SLC44A1: variants seen among roughly 807,000 people sequenced by gnomAD.
SLC44A1 encodes choline transporter-like protein 1.
A neutral mutation model predicts 79.3 loss-of-function variants in SLC44A1; 26 were observed. That is an observed-to-expected ratio of 0.33 (90% confidence interval 0.24 to 0.46). SLC44A1 has a LOEUF of 0.46. SLC44A1 is among the 20% of genes least tolerant of loss of function. SLC44A1 has a pLI of 1.00. For missense variants in SLC44A1, 688 were observed against 798.1 expected (o/e 0.86, Z 1.66); for synonymous variants, 263 against 286.2 (o/e 0.92, Z 0.82).
intron 1 of SLC44A1, among the ~76,000 whole-genome samples, chr9:105,276,688 A>G (rs1253198710): frequency 6.6e-6 from 1 of 151,562 alleles, no homozygotes; most frequent in Admixed American, 6.6e-5. Context: ...AACAAACTTG[A>G]TATTTAAGAA....
intron 3 of SLC44A1, among the ~76,000 whole-genome samples, chr9:105,312,224 T>G (rs1199585208): frequency 6.6e-6 from 1 of 152,158 alleles, no homozygotes; most frequent in African/African-American, 2.4e-5. Flanking sequence ...GAAAAAAAAT[T>G]CCTCCCAATC....
intron 1 of SLC44A1, among the ~76,000 whole-genome samples, chr9:105,250,731 A>G (rs776147232): frequency 1.3e-5 from 2 of 152,186 alleles, no homozygotes; most frequent in Non-Finnish European, 2.9e-5. Context: ...TTAATGTCTC[A>G]GGCTTTCTTT....
At chr9:105,388,994 A>T in intron 15 of SLC44A1, 39 bp from the exon 16 acceptor site, 1 of 1,497,500 alleles carries the variant, frequency 6.7e-7, no homozygotes, top group Non-Finnish European at 9.3e-7. Flanking sequence ...TTTAATGGTA[A>T]TTGTCTAAGA....
intron 1 of SLC44A1, among the ~76,000 whole-genome samples, chr9:105,295,408 G>A (rs1332383117): frequency 6.6e-6 from 1 of 152,198 alleles, no homozygotes; most frequent in Non-Finnish European, 1.5e-5. Flanking sequence ...TGAGAAAGGG[G>A]TAAAATCACA....
chr9:105,346,007 A>C (rs543306762), intron 4 of SLC44A1, among the ~76,000 whole-genome samples: 15 of 152,096 alleles, frequency 9.9e-5, no homozygotes, highest in South Asian at 2.1e-4. Context: ...AAAAAAAAAA[A>C]ACACATACTA....
At position 105,258,368 on chromosome 9, in the gene SLC44A1, A is replaced by G. The variant is rs1829759963; in HGVS notation, c.36+13464A>G. ...ATATAGAATATAGAGAACACCAGTC[A>G]TTGCTGGGGATTTACTGTGTGGTAG... On this transcript the variant is annotated intron_variant, in intron 1 of 15. Transcript: ENST00000374720. Among the ~76,000 whole-genome samples the G allele has an allele frequency of 4.6e-5, 7 of 152,226 alleles. No individual in the cohort carries two copies. The South Asian group carries it at 1.4e-3, about 32-fold the overall frequency.
chr9:105,275,792 C>T (rs1830184866), intron 1 of SLC44A1, among the ~76,000 whole-genome samples: 1 of 151,582 alleles, frequency 6.6e-6, no homozygotes, highest in African/African-American at 2.4e-5. Context: ...CTTGTCACAT[C>T]ATGGAAGAAC....
Position 105,364,594 on chromosome 9 carries a change from A to G in SLC44A1, c.1127A>G (p.Lys376Arg), listed in dbSNP as rs757688984. ...AATGAGCAAGGCTTTGTGGAGTTCAAAATTTCTGGGCCTCTGCAGTACATG... is the reference window on the plus strand; with the variant it reads ...AATGAGCAAGGCTTTGTGGAGTTCAGAATTTCTGGGCCTCTGCAGTACATG... ...VQNEQGFVEF[K>R]ISGPLQYMWW... Residue 376 changes from lysine to arginine, a missense_variant, in exon 10 of 16, where the codon AAA becomes AGA. Physicochemically the swap from Lys to Arg is conservative, Grantham distance 26 (BLOSUM62 2). Coordinates refer to ENST00000374720, the MANE Select transcript of SLC44A1 (RefSeq NM_080546.5). The G allele has an allele frequency of 4.3e-6, 7 of 1,613,936 alleles. No individual in the cohort carries two copies. The highest frequency in any genetic ancestry group is 5.1e-6 in the Non-Finnish European group (6 of 1,179,992).
At chr9:105,437,856 T>C (rs1405807629) in intron 15 of SLC44A1, among the ~76,000 whole-genome samples, 1 of 152,254 alleles carries the variant, frequency 6.6e-6, no homozygotes, top group Non-Finnish European at 1.5e-5. Context: ...TGGGTTTGTT[T>C]GATTCAGTTC....
chr9:105,357,917 C>T (rs1827669070), intron 6 of SLC44A1, among the ~76,000 whole-genome samples: 2 of 152,202 alleles, frequency 1.3e-5, no homozygotes, highest in Non-Finnish European at 2.9e-5. Context: ...ACATAGATTA[C>T]TCAATAAAGC....
intron 13 of SLC44A1, among the ~76,000 whole-genome samples, chr9:105,377,671 A>G (rs1019690323): frequency 5.9e-5 from 9 of 151,342 alleles, no homozygotes; most frequent in South Asian, 4.2e-4. Context: ...GCTGAGGCGG[A>G]GAATCGCTTG....
At chr9:105,414,528 T>A (rs1829142262) in intron 15 of SLC44A1, among the ~76,000 whole-genome samples, 1 of 152,240 alleles carries the variant, frequency 6.6e-6, no homozygotes, top group Admixed American at 6.5e-5. Context: ...TCCCTTTTTT[T>A]ACGACTAGAA....
intron 1 of SLC44A1, among the ~76,000 whole-genome samples, chr9:105,276,654 A>AAG: frequency 6.8e-6 from 1 of 147,746 alleles, no homozygotes; most frequent in Non-Finnish European, 1.5e-5. Flanking sequence ...TTGTCACGAA[A>AAG]AGCCTCACTG....
chr9:105,244,984 T>C, intron 1 of SLC44A1, 80 bp downstream of exon 1: 2 of 446,962 alleles, frequency 4.5e-6, no homozygotes, highest in East Asian at 1.5e-4. Context: ...CGCCGCCCGA[T>C]ACCTCTCGCT....
At chr9:105,259,469 T>C (rs1829791967) in intron 1 of SLC44A1, among the ~76,000 whole-genome samples, 1 of 152,200 alleles carries the variant, frequency 6.6e-6, no homozygotes, top group African/African-American at 2.4e-5. Context: ...AAATGATTAG[T>C]GTGCACATTA....
intron 3 of SLC44A1, among the ~76,000 whole-genome samples, chr9:105,329,461 T>C (rs115328272): frequency 0.013 from 2,028 of 152,220 alleles, 45 homozygotes; most frequent in African/African-American, 0.046. Flanking sequence ...CCAAAAAGTC[T>C]TGTCACAGAG....
At chr9:105,409,329 T>C (rs538110104) in intron 15 of SLC44A1, among the ~76,000 whole-genome samples, 11 of 152,292 alleles carry the variant, frequency 7.2e-5, no homozygotes, top group African/African-American at 2.6e-4. Flanking sequence ...ACAAAAATTG[T>C]TACTAGAGAG....
intron 15 of SLC44A1, among the ~76,000 whole-genome samples, chr9:105,411,645 C>A (rs1829097021): frequency 6.6e-6 from 1 of 151,892 alleles, no homozygotes; most frequent in African/African-American, 2.4e-5. Flanking sequence ...AGCAATTGCA[C>A]AGTCTTTTGT....
rs373950462 is a variant in SLC44A1, at chr9:105,301,934, G to C, written c.126+2625G>C. Among the ~76,000 whole-genome samples, 30 of 152,164 alleles carry C rather than the reference G, an allele frequency of 2.0e-4. No homozygotes were observed. The East Asian group carries it at 4.2e-3, about 22-fold the overall frequency. ...CCTTTATTCTCTGACTTTATTTGCAGTTTTTTGCTGATTTTTTGATACCTA... is the reference window on the plus strand; with the variant it reads ...CCTTTATTCTCTGACTTTATTTGCACTTTTTTGCTGATTTTTTGATACCTA... On this transcript the variant is annotated intron_variant, in intron 2 of 15. Coordinates refer to ENST00000374720, the MANE Select transcript of SLC44A1 (RefSeq NM_080546.5).
Sources: allele counts gnomAD v4.1 joint callset (sites outside exome capture counted in the v4.1 genomes callset), GRCh38; gene constraint gnomAD v4.1.1; transcripts MANE v1.5; gene names NCBI Gene and HGNC (gene_info 2026-07-23, HGNC 2026-07-21).